Variants in MRPL37 observed in about 807,000 individuals in gnomAD.
MRPL37 encodes the protein large ribosomal subunit protein mL37.
MRPL37 carries 34 observed loss-of-function variants against 44.1 expected under a neutral mutation model. That is an observed-to-expected ratio of 0.77 (90% CI 0.59 to 1.03). The LOEUF (loss-of-function observed/expected upper bound fraction) is 1.03, where lower values mean the gene tolerates loss of function less well. Among genes scored for constraint, MRPL37 ranks in the 50% least tolerant of loss-of-function variants. The pLI, the probability that MRPL37 is intolerant of heterozygous loss-of-function variation, is 0.00. For synonymous variants in MRPL37, 212 were observed against 219.5 expected (o/e 0.97, Z 0.30); for missense variants, 532 against 543.7 (o/e 0.98, Z 0.21).
At chr1:54,201,306 G>A (rs1024665023) in intron 1 of MRPL37, among the ~76,000 whole-genome samples, 8 of 152,190 alleles carry the variant, frequency 5.3e-5, no homozygotes, top group Admixed American at 4.6e-4. Context: ...GCAAGATTGG[G>A]GGACTAAGCC....
At chr1:54,209,846 CT>C in intron 3 of MRPL37, 99 bp from the exon 4 acceptor site, 12 of 1,249,062 alleles carry the variant, frequency 9.6e-6, no homozygotes, top group Non-Finnish European at 1.3e-5. Context: ...ATCCACCTGC[CT>C]TGGCCTCCCA....
At chr1:54,220,831 T>G (rs373209247), downstream of MRPL37, 13 of 467,872 alleles carry the variant, frequency 2.8e-5, no homozygotes, top group South Asian at 1.7e-4. Flanking sequence ...CGAGAGGAAC[T>G]TCCAGCAGCA....
At position 54,205,129 on chromosome 1, in the gene MRPL37, G is replaced by A. The variant is rs1255010466; in HGVS notation, c.458G>A (p.Cys153Tyr). Reference sequence around the variant, plus strand: ...AACCACATAGAGAACCAAGACGAGTGCGTTCTGAATGTGATCTCTCACGCC... The same window carrying A: ...AACCACATAGAGAACCAAGACGAGTACGTTCTGAATGTGATCTCTCACGCC... ...PRNHIENQDE[C>Y]VLNVISHARL... Residue 153 changes from cysteine (C) to tyrosine (Y), a missense_variant, in exon 2 of 7, where the codon TGC becomes TAC. Transcript: ENST00000360840. 4 of 1,614,004 alleles carry A rather than the reference G, an allele frequency of 2.5e-6. No homozygotes were observed. The highest frequency in any genetic ancestry group is 2.2e-5 in the East Asian group (1 of 44,892).
chr1:54,207,099 C>G (rs1644129480), intron 3 of MRPL37, among the ~76,000 whole-genome samples: 3 of 152,218 alleles, frequency 2.0e-5, no homozygotes, highest in Admixed American at 1.3e-4. Context: ...CAAGACTTCA[C>G]TCAAGCCCCC....
At chr1:54,223,011 G>A (rs1165201990), downstream of MRPL37, among the ~76,000 whole-genome samples, 1 of 152,198 alleles carries the variant, frequency 6.6e-6, no homozygotes, top group Non-Finnish European at 1.5e-5. Context: ...TTGTGGCACT[G>A]GAGGGCTGAC....
Position 54,212,389 on chromosome 1 carries a change from T to C in MRPL37, c.833-112T>C. 5 of 1,319,490 alleles carry C rather than the reference T, an allele frequency of 3.8e-6. No homozygotes were observed. The South Asian group carries it at 6.9e-5, about 18-fold the overall frequency. 81.7% of individuals were successfully genotyped at this position (1,319,490 alleles called of 1,614,324 possible). A position where few individuals can be genotyped will look rare whatever the true frequency, so the allele number is the denominator to read the frequency against. On this transcript the variant is annotated intron_variant, in intron 4 of 6. Coordinates refer to ENST00000360840, the MANE Select transcript of MRPL37 (RefSeq NM_016491.4). ...GCTATAGTGATAGTATCCACCTTTG[T>C]TGAGTCTCTCTGTAGCACCTGTCCC...
downstream of MRPL37, among the ~76,000 whole-genome samples, chr1:54,224,347 C>T (rs186766607): frequency 5.3e-5 from 8 of 152,336 alleles, no homozygotes; most frequent in East Asian, 1.5e-3. Context: ...CCAACACACC[C>T]ATTTGGACTC....
intron 3 of MRPL37, among the ~76,000 whole-genome samples, chr1:54,207,842 T>C (rs940616734): frequency 2.6e-5 from 4 of 152,240 alleles, no homozygotes; most frequent in African/African-American, 9.6e-5. Flanking sequence ...GGCCACATGC[T>C]AATTAATGAC....
At chr1:54,219,949 AGTT>A (rs1570156191), downstream of MRPL37, among the ~76,000 whole-genome samples, 7 of 152,132 alleles carry the variant, frequency 4.6e-5, no homozygotes, top group Admixed American at 4.6e-4. Flanking sequence ...GGTTGTTTCC[AGTT>A]GTTATTAGAA....
Position 54,205,042 on chromosome 1 carries a change from C to G in MRPL37, c.371C>G (p.Thr124Ser). The G allele has an allele frequency of 2.5e-6, 4 of 1,614,160 alleles. No individual in the cohort carries two copies. The highest frequency in any genetic ancestry group is 3.4e-6 in the Non-Finnish European group (4 of 1,180,034). Residue 124 changes from threonine (T) to serine (S), a missense_variant, in exon 2 of 7, where the codon ACC becomes AGC. Coordinates refer to ENST00000360840, the MANE Select transcript of MRPL37 (RefSeq NM_016491.4). ...GGTGTAAAGCAGGCCCTCTGGCTCA[C>G]CAAGACCAAGTTAATAGAAGGCCTT... ...LEGVKQALWL[T>S]KTKLIEGLPE...
At position 54,200,282 on chromosome 1, in the gene MRPL37, T is replaced by A; in HGVS notation, c.39T>A (p.Ala13=). ...CCGGGCCCGCAAGGCGGGCGCTAGCTGGCTCCGGGCAGCTCGGCCTTGGGG... is the reference window on the plus strand; with the variant it reads ...CCGGGCCCGCAAGGCGGGCGCTAGCAGGCTCCGGGCAGCTCGGCCTTGGGG... The part of the protein sequence containing the change: ...LASGPARRAL[A]GSGQLGLGGF... Residue 13 remains alanine (A), a synonymous_variant, in exon 1 of 7, where the codon GCT becomes GCA. Coordinates refer to ENST00000360840, the MANE Select transcript of MRPL37 (RefSeq NM_016491.4). The A allele has an allele frequency of 6.2e-7, 1 of 1,604,416 alleles. No individual in the cohort carries two copies. Among genetic ancestry groups the A allele is most frequent in the Non-Finnish European group, 8.5e-7 (1 of 1,176,010 alleles).
intron 5 of MRPL37, among the ~76,000 whole-genome samples, chr1:54,215,258 A>G (rs977283241): frequency 6.6e-6 from 1 of 152,214 alleles, no homozygotes; most frequent in Non-Finnish European, 1.5e-5. Context: ...TCTGATCCCC[A>G]TGGGTGACCT....
chr1:54,210,365 T>C (rs1644155426), intron 4 of MRPL37, among the ~76,000 whole-genome samples: 1 of 152,204 alleles, frequency 6.6e-6, no homozygotes, highest in Non-Finnish European at 1.5e-5. Context: ...ACTTTACTTT[T>C]TACCTTGGAG....
intron 5 of MRPL37, among the ~76,000 whole-genome samples, chr1:54,215,791 C>T (rs1644192886): frequency 6.6e-6 from 1 of 152,194 alleles, no homozygotes. Flanking sequence ...TGGTCCTTAT[C>T]AAGTAACGCC....
intron 3 of MRPL37, among the ~76,000 whole-genome samples, chr1:54,205,928 C>T (rs995047623): frequency 3.3e-5 from 5 of 152,102 alleles, no homozygotes; most frequent in Admixed American, 2.0e-4. Flanking sequence ...ATGATTTGGT[C>T]GCCACTTAGT....
chr1:54,222,985 C>T (rs545598700), downstream of MRPL37, among the ~76,000 whole-genome samples: 2 of 152,264 alleles, frequency 1.3e-5, no homozygotes, highest in East Asian at 3.9e-4. Flanking sequence ...TATGGAGGCT[C>T]AAAGTGAGAT....
downstream of MRPL37, among the ~76,000 whole-genome samples, chr1:54,219,488 G>GC (rs1644219540): frequency 6.6e-6 from 1 of 152,236 alleles, no homozygotes; most frequent in African/African-American, 2.4e-5. Flanking sequence ...AAGTGGGGAG[G>GC]CCGGAGGCTT....
At chr1:54,217,187 T>C (rs1413300216) in intron 6 of MRPL37, among the ~76,000 whole-genome samples, 1 of 152,206 alleles carries the variant, frequency 6.6e-6, no homozygotes, top group East Asian at 1.9e-4. Flanking sequence ...GCTTGCTAAA[T>C]GGAGTCGCTG....
chr1:54,219,072 G>A (rs1365479788), downstream of MRPL37, among the ~76,000 whole-genome samples: 2 of 152,242 alleles, frequency 1.3e-5, no homozygotes, highest in Admixed American at 1.3e-4. Flanking sequence ...AGCGAAGGCA[G>A]CAGCAGGTGG....
Sources: allele counts gnomAD v4.1 joint callset (sites outside exome capture counted in the v4.1 genomes callset), GRCh38; gene constraint gnomAD v4.1.1; transcripts MANE v1.5; gene names NCBI Gene and HGNC (gene_info 2026-07-23, HGNC 2026-07-21).